The following CEP112 variants were observed in gnomAD, a reference collection of about 807,000 sequenced individuals.
The protein encoded by CEP112 is centrosomal protein of 112 kDa.
In CEP112, 127 loss-of-function variants were observed where a neutral mutation model predicts 153.0. The observed-to-expected ratio is 0.83, with a 90% CI of 0.72 to 0.96. The LOEUF is 0.96. Among genes scored for constraint, CEP112 ranks in the 40% least tolerant of loss-of-function variants. CEP112 has a pLI of 0.00. For missense variants in CEP112, 1,089 were observed against 1,101.2 expected (o/e 0.99, Z 0.16); for synonymous variants, 358 against 374.4 (o/e 0.96, Z 0.51).
chr17:65,803,198 T>A (rs1001004144), intron 21 of CEP112, among the ~76,000 whole-genome samples: 2 of 152,224 alleles, frequency 1.3e-5, no homozygotes, highest in African/African-American at 2.4e-5. Context: ...GACTTCAATA[T>A]GACCTCAGTT....
At chr17:65,976,765 G>C (rs2063052327) in intron 17 of CEP112, among the ~76,000 whole-genome samples, 1 of 135,220 alleles carries the variant, frequency 7.4e-6, no homozygotes, top group Non-Finnish European at 1.5e-5. Context: ...GAGACAGAGA[G>C]TCTCACTCTG....
At chr17:65,889,954 T>C (rs986453752) in intron 20 of CEP112, among the ~76,000 whole-genome samples, 2 of 152,152 alleles carry the variant, frequency 1.3e-5, no homozygotes, top group Admixed American at 1.3e-4. Context: ...TTTCGATTGT[T>C]GACAGTTATG....
At chr17:65,637,248 A>G in intron 25 of CEP112, 60 bp from the exon 26 acceptor site, 3 of 1,085,064 alleles carry the variant, frequency 2.8e-6, no homozygotes, top group Non-Finnish European at 4.3e-6. Flanking sequence ...ATATTGTGCA[A>G]ATAGTATGGT....
intron 4 of CEP112, among the ~76,000 whole-genome samples, chr17:66,169,560 A>G (rs2072157926): frequency 2.0e-5 from 3 of 152,156 alleles, no homozygotes; most frequent in Admixed American, 2.0e-4. Context: ...CTGGGATTAC[A>G]GGCATAAGCC....
chr17:66,063,855 T>C (rs755407326), intron 10 of CEP112, among the ~76,000 whole-genome samples: 4 of 152,174 alleles, frequency 2.6e-5, no homozygotes, highest in East Asian at 3.8e-4. Context: ...CCAACCTATA[T>C]GCAGATTCCT....
intron 4 of CEP112, among the ~76,000 whole-genome samples, chr17:66,134,550 T>C (rs1045307024): frequency 3.9e-5 from 6 of 152,170 alleles, no homozygotes; most frequent in African/African-American, 1.2e-4. Flanking sequence ...CATAAAACCA[T>C]TCTCTGGCCA....
chr17:66,101,095 A>G (rs1242011808), intron 6 of CEP112, among the ~76,000 whole-genome samples: 3 of 152,112 alleles, frequency 2.0e-5, no homozygotes, highest in African/African-American at 7.2e-5. Flanking sequence ...TATAATATAA[A>G]AGTCCAAATA....
intron 12 of CEP112, among the ~76,000 whole-genome samples, chr17:66,035,231 C>T (rs2065683374): frequency 6.6e-6 from 1 of 151,680 alleles, no homozygotes; most frequent in Non-Finnish European, 1.5e-5. Flanking sequence ...ATAGGTAACC[C>T]GAGGACTGTA....
At chr17:65,932,897 G>GT (rs1320055987) in intron 18 of CEP112, among the ~76,000 whole-genome samples, 23 of 152,106 alleles carry the variant, frequency 1.5e-4, no homozygotes, top group Admixed American at 1.5e-3. Flanking sequence ...GATCTACACC[G>GT]TATCAATAGA....
intron 16 of CEP112, among the ~76,000 whole-genome samples, chr17:66,008,207 T>A (rs951131677): frequency 2.0e-5 from 3 of 152,184 alleles, no homozygotes; most frequent in Non-Finnish European, 2.9e-5. Flanking sequence ...AAATATTAAA[T>A]CAAGCTAAGT....
chr17:66,027,056 A>G lies in CEP112; in HGVS notation c.1656+445T>C, dbSNP rs2065242303. ...CAGGAAAAATAAGCAAAATTTAATT[A>G]CTGGTTAGCTGAAATTAACTTAGAA... On this transcript the variant is annotated intron_variant, in intron 16 of 26. Transcript: ENST00000535342. 2.0e-5 allele frequency among the ~76,000 whole-genome samples: 3 copies of G among 152,206 alleles called. No individual in the cohort carries two copies. In the South Asian group the frequency reaches 6.2e-4, roughly 31 times the overall value.
intron 21 of CEP112, among the ~76,000 whole-genome samples, chr17:65,821,939 A>G (rs2056609497): frequency 6.6e-6 from 1 of 152,070 alleles, no homozygotes; most frequent in African/African-American, 2.4e-5. Flanking sequence ...CTTTTTTAAA[A>G]CCAATTTAAA....
chr17:65,973,332 G>T (rs1035814012), intron 17 of CEP112, among the ~76,000 whole-genome samples: 1 of 149,186 alleles, frequency 6.7e-6, no homozygotes, highest in East Asian at 2.1e-4. Context: ...GTCACAGACT[G>T]GGAGAAAATA....
Position 65,635,648 on chromosome 17 carries a change from C to G in CEP112, c.*323G>C. ...CAAACGTGATTTTGATCGTACGCAA[C>G]TGGTAAAATTCTATGCAAAAGGATT... On this transcript the variant is annotated 3_prime_UTR_variant, in exon 27 of 27. Coordinates refer to ENST00000535342, the MANE Select transcript of CEP112 (RefSeq NM_001199165.4). 1 of 377,142 alleles carries G rather than the reference C, an allele frequency of 2.7e-6. No homozygotes were observed. Among genetic ancestry groups the G allele is most frequent in the Middle Eastern group, 7.0e-4 (1 of 1,426 alleles). The allele number at this position is 377,142 out of a possible 1,614,324, so 23.4% of individuals were successfully genotyped here. A position where few individuals can be genotyped will look rare whatever the true frequency, so the allele number is the denominator to read the frequency against.
intron 21 of CEP112, among the ~76,000 whole-genome samples, chr17:65,821,517 TA>T (rs2056557239): frequency 1.1e-3 from 32 of 27,892 alleles, no homozygotes; most frequent in South Asian, 6.1e-3. Flanking sequence ...TATATAATTA[TA>T]TATATATATA....
intron 24 of CEP112, among the ~76,000 whole-genome samples, chr17:65,662,040 C>T (rs1345186780): frequency 1.3e-5 from 2 of 152,132 alleles, no homozygotes; most frequent in Non-Finnish European, 2.9e-5. Flanking sequence ...GCAATCATGG[C>T]TCACTGCAGC....
rs1350960299 is a variant in CEP112, at chr17:65,640,945, C to T, written c.2799+19G>A. On this transcript the variant is annotated intron_variant, in intron 25 of 26. Coordinates refer to ENST00000535342, the MANE Select transcript of CEP112 (RefSeq NM_001199165.4). Reference sequence around the variant, plus strand: ...GTATCCCCTAAATCCTTGGAAAATGCCTTGATTCTAGTAATTACCTGTGAT... The same window carrying T: ...GTATCCCCTAAATCCTTGGAAAATGTCTTGATTCTAGTAATTACCTGTGAT... The T allele has an allele frequency of 1.8e-5, 25 of 1,377,544 alleles. No homozygotes were observed. Among genetic ancestry groups the T allele is most frequent in the African/African-American group, 1.1e-4 (8 of 70,240 alleles). The allele number at this position is 1,377,544 out of a possible 1,614,324, so 85.3% of individuals were successfully genotyped here. A position where few individuals can be genotyped will look rare whatever the true frequency, so the allele number is the denominator to read the frequency against.
intron 6 of CEP112, among the ~76,000 whole-genome samples, chr17:66,106,964 T>C (rs2068809460): frequency 6.6e-6 from 1 of 152,052 alleles, no homozygotes; most frequent in Non-Finnish European, 1.5e-5. Flanking sequence ...GTAGGATTTA[T>C]CCCCAGGATG....
chr17:66,188,286 A>AACACACACAC (rs59802008), intron 1 of CEP112, among the ~76,000 whole-genome samples: 120 of 109,502 alleles, frequency 1.1e-3, no homozygotes, highest in African/African-American at 1.6e-3. Flanking sequence ...CACACACACA[A>AACACACACAC]ACACACACAC....
Sources: allele counts gnomAD v4.1 joint callset (sites outside exome capture counted in the v4.1 genomes callset), GRCh38; gene constraint gnomAD v4.1.1; transcripts MANE v1.5; gene names NCBI Gene and HGNC (gene_info 2026-07-23, HGNC 2026-07-21).